Variants in XPO5 observed in about 807,000 individuals in gnomAD.
The protein encoded by XPO5 is exportin-5.
Under a neutral mutation model 160.6 loss-of-function variants are expected in XPO5, and 46 were observed. The ratio of observed to expected loss-of-function variants is 0.29; its 90% CI spans 0.23 to 0.37. The LOEUF (loss-of-function observed/expected upper bound fraction) is 0.37, where lower values mean the gene tolerates loss of function less well. XPO5 is among the 10% of genes least tolerant of loss of function. XPO5 has a pLI of 1.00. For synonymous variants in XPO5, 537 were observed against 519.3 expected, an observed-to-expected ratio of 1.03 and a Z score of -0.46; for missense variants, 1,090 against 1,463.9, an observed-to-expected ratio of 0.74 and a Z score of 4.17.
At position 43,567,380 on chromosome 6, in the gene XPO5, C is replaced by T. The variant is rs781377637; in HGVS notation, c.649-26G>A. ...CTACCAGAAAAGAAGTAACTTTGGA[C>T]CATGAAGTCCTCGGTAACAGGTAAG... On this transcript the variant is annotated intron_variant, in intron 6 of 31. Transcript: ENST00000265351. 4 of 1,572,952 alleles carry T rather than the reference C, an allele frequency of 2.5e-6. No individual in the cohort carries two copies. The South Asian group carries it at 3.6e-5, about 14-fold the overall frequency.
rs1169713166 is a variant in XPO5 at position 43,522,614 on chromosome 6, C to G, written c.*1254G>C. ...GGGAGCAACACAAGACTCCCAACTT[C>G]TGCTTCCCCAGCTTTGCTTCTTCTC... On this transcript the variant is annotated 3_prime_UTR_variant, in exon 32 of 32. Transcript: ENST00000265351. The G allele has an allele frequency of 2.6e-6, 1 of 389,328 alleles. No homozygotes were observed. The highest frequency in any genetic ancestry group is 2.1e-5 in the African/African-American group (1 of 48,112). The allele number at this position is 389,328 out of a possible 1,614,324, so 24.1% of individuals were successfully genotyped here. A position where few individuals can be genotyped will look rare whatever the true frequency, so the allele number is the denominator to read the frequency against.
In XPO5 at chr6:43,555,917, C is replaced by G. The variant is rs755688675; in HGVS notation, c.1360G>C (p.Asp454His). 3.7e-6 allele frequency: 6 copies of G among 1,613,934 alleles called. No individual in the cohort carries two copies. In the South Asian group the frequency reaches 6.6e-5, roughly 18 times the overall value. The change falls in exon 13 of 32, where the codon GAT (aspartate) becomes CAT (histidine). Residue 454 changes from aspartate to histidine, a missense_variant. Asp to His is a moderately conservative substitution (Grantham distance 81). Transcript: ENST00000265351. ...GEVMRLACRL[D>H]PKTSFQMAGE... is the part of the protein sequence containing the mutation. Reference sequence around the variant, plus strand: ...GCCATCTGGAAGCTAGTTTTGGGATCCAAACGACATGCCAACCTCATCACC... The same window carrying G: ...GCCATCTGGAAGCTAGTTTTGGGATGCAAACGACATGCCAACCTCATCACC...
chr6:43,557,867 G>C (rs111766955), intron 12 of XPO5, among the ~76,000 whole-genome samples: 5 of 151,286 alleles, frequency 3.3e-5, no homozygotes, highest in African/African-American at 1.2e-4. Context: ...AGACTGAGGC[G>C]GGCAGATGAC....
intron 5 of XPO5, among the ~76,000 whole-genome samples, chr6:43,570,030 TA>T (rs1554136866): frequency 7.7e-6 from 1 of 129,164 alleles, no homozygotes; most frequent in Non-Finnish European, 1.7e-5. Context: ...TTTTTTTTTT[TA>T]AAAAAGGCCA....
At chr6:43,531,663 G>C (rs1793988264) in intron 21 of XPO5, 88 bp from the exon 22 acceptor site, 2 of 1,164,102 alleles carry the variant, frequency 1.7e-6, no homozygotes, top group Admixed American at 3.5e-5. Flanking sequence ...CTGTTGTTCA[G>C]GGGTGAAGAT....
intron 12 of XPO5, among the ~76,000 whole-genome samples, chr6:43,556,523 C>CAA (rs539768315): frequency 2.1e-4 from 15 of 71,938 alleles, no homozygotes; most frequent in Admixed American, 3.4e-4. Flanking sequence ...GACCATGTCT[C>CAA]AAAAAAAAAA....
At chr6:43,568,782 C>A (rs369731082) in intron 5 of XPO5, 45 bp from the exon 6 acceptor site, 43 of 1,511,018 alleles carry the variant, frequency 2.8e-5, no homozygotes, top group Non-Finnish European at 3.6e-5. Context: ...GAGCAAAAGG[C>A]CACATAATAA....
intron 8 of XPO5, 116 bp from the exon 9 acceptor site, chr6:43,562,462 C>A: frequency 1.3e-6 from 1 of 782,100 alleles, no homozygotes; most frequent in Non-Finnish European, 2.0e-6. Context: ...CAGCAGAATT[C>A]CAATAGCTTT....
chr6:43,534,495 C>A (rs1794191029), intron 20 of XPO5, among the ~76,000 whole-genome samples: 1 of 152,136 alleles, frequency 6.6e-6, no homozygotes, highest in South Asian at 2.1e-4. Flanking sequence ...CACATGCTGT[C>A]CCCCACCAAA....
intron 11 of XPO5, 53 bp from the exon 12 acceptor site, chr6:43,558,644 A>T: frequency 7.2e-7 from 1 of 1,398,222 alleles, no homozygotes; most frequent in Non-Finnish European, 9.7e-7. Flanking sequence ...CCACTGAAAG[A>T]GTTTTTAAGC....
At chr6:43,535,998 C>T (rs950163252) in intron 20 of XPO5, among the ~76,000 whole-genome samples, 6 of 150,396 alleles carry the variant, frequency 4.0e-5, no homozygotes, top group Non-Finnish European at 8.9e-5. Flanking sequence ...CGGTGCATGC[C>T]TGTAATCCCA....
intron 20 of XPO5, among the ~76,000 whole-genome samples, chr6:43,541,083 G>A (rs1391313541): frequency 6.6e-6 from 1 of 152,146 alleles, no homozygotes; most frequent in Non-Finnish European, 1.5e-5. Context: ...AGAGTGTAAG[G>A]ATGGTTAGCA....
chr6:43,535,073 A>G (rs1794232454), intron 20 of XPO5, among the ~76,000 whole-genome samples: 1 of 151,798 alleles, frequency 6.6e-6, no homozygotes. Flanking sequence ...TGGGTGGATC[A>G]CGAGGTCATG....
intron 15 of XPO5, 91 bp from the exon 16 acceptor site, chr6:43,550,025 G>T: frequency 7.4e-7 from 1 of 1,356,318 alleles, no homozygotes; most frequent in East Asian, 2.4e-5. Flanking sequence ...TGAATTCCTG[G>T]GCTCAACTGA....
At chr6:43,545,921 T>A (rs1194013174) in intron 20 of XPO5, among the ~76,000 whole-genome samples, 2 of 152,128 alleles carry the variant, frequency 1.3e-5, no homozygotes, top group African/African-American at 2.4e-5. Context: ...TTCTGAATGT[T>A]TAATGTGTAT....
In XPO5 at chr6:43,523,810, T is replaced by C. The variant is rs1296824416; in HGVS notation, c.*58A>G. ...GTGCAAGAAGGGCCTAGAGATCGGC[T>C]ACAAAGGGAAAGAAGAGATGACAAG... On this transcript the variant is annotated 3_prime_UTR_variant, in exon 32 of 32. Transcript: ENST00000265351. 6.2e-7 allele frequency: 1 copy of C among 1,613,500 alleles called. No individual in the cohort carries two copies. Among genetic ancestry groups the C allele is most frequent in the Non-Finnish European group, 8.5e-7 (1 of 1,179,668 alleles).
At chr6:43,538,137 A>AT (rs1794460458) in intron 20 of XPO5, among the ~76,000 whole-genome samples, 1 of 105,630 alleles carries the variant, frequency 9.5e-6, no homozygotes, top group Non-Finnish European at 1.8e-5. Flanking sequence ...CCTAAGAGAC[A>AT]TCTTTTTTTT....
chr6:43,528,090 G>T (rs1240968341), intron 25 of XPO5, 69 bp downstream of exon 25: 1 of 1,470,960 alleles, frequency 6.8e-7, no homozygotes, highest in Non-Finnish European at 9.3e-7. Flanking sequence ...ATCCCTGCCC[G>T]CTTCCTTTTC....
chr6:43,526,155 A>G, intron 27 of XPO5: 1 of 520,534 alleles, frequency 1.9e-6, no homozygotes, highest in Non-Finnish European at 3.4e-6. Context: ...GAAACACAAA[A>G]TGCTGCAAAT....
Sources: gnomAD v4.1 joint callset for allele counts (sites outside exome capture counted in the v4.1 genomes callset) on GRCh38, gnomAD v4.1.1 for gene constraint, MANE v1.5 for transcripts, NCBI Gene and HGNC (gene_info 2026-07-23, HGNC 2026-07-21) for gene names.